The following NIPAL2 variants were observed in gnomAD, a reference collection of about 807,000 sequenced individuals.
NIPAL2 encodes NIPA-like protein 2.
NIPAL2 carries 43 observed loss-of-function variants against 48.9 expected under a neutral mutation model. That is an observed-to-expected ratio of 0.88 (90% CI 0.69 to 1.13). NIPAL2 has a LOEUF of 1.13. Ranked by LOEUF, NIPAL2 falls within the 50% of genes most tolerant of loss-of-function variation. The pLI is 0.00. For synonymous variants in NIPAL2, 167 were observed against 174.6 expected, an observed-to-expected ratio of 0.96 and a Z score of 0.34; for missense variants, 446 against 461.4, an observed-to-expected ratio of 0.97 and a Z score of 0.31.
At chr8:98,279,212 A>G (rs1441829047) in intron 1 of NIPAL2, among the ~76,000 whole-genome samples, 1 of 152,174 alleles carries the variant, frequency 6.6e-6, no homozygotes, top group Non-Finnish European at 1.5e-5. Flanking sequence ...CAAATTTGCA[A>G]TGCTTTTAAA....
At chr8:98,213,868 T>C (rs1811442828) in intron 5 of NIPAL2, among the ~76,000 whole-genome samples, 1 of 152,204 alleles carries the variant, frequency 6.6e-6, no homozygotes, top group African/African-American at 2.4e-5. Flanking sequence ...TTCTTGTTCA[T>C]ATGTTTATGT....
chr8:98,224,968 G>A (rs1424169003), intron 4 of NIPAL2, among the ~76,000 whole-genome samples: 1 of 151,886 alleles, frequency 6.6e-6, no homozygotes, highest in Non-Finnish European at 1.5e-5. Context: ...TGGTGGCCAG[G>A]GTGGTCTCGA....
chr8:98,242,052 A>T (rs1375639235), intron 3 of NIPAL2, among the ~76,000 whole-genome samples: 1 of 152,266 alleles, frequency 6.6e-6, no homozygotes, highest in African/African-American at 2.4e-5. Flanking sequence ...AAGGTAATGT[A>T]CCATTGATAA....
Position 98,273,744 on chromosome 8 carries a change from G to A in NIPAL2, c.136-19657C>T, listed in dbSNP as rs80035880. 4.9e-3 allele frequency among the ~76,000 whole-genome samples: 746 copies of A among 151,536 alleles called. 4 individuals carry two copies. Among genetic ancestry groups the A allele is most frequent in the African/African-American group, 0.012 (478 of 41,344 alleles). On this transcript the variant is annotated intron_variant, in intron 1 of 10. Transcript: ENST00000430223. ...TTTATTTTGTTAACTCAATTTTTCC[G>A]TTTTCATCTTGTTCATTTGGACTCT...
At chr8:98,285,542 C>A (rs558591190) in intron 1 of NIPAL2, among the ~76,000 whole-genome samples, 20 of 152,232 alleles carry the variant, frequency 1.3e-4, no homozygotes, top group African/African-American at 4.3e-4. Flanking sequence ...GGCGAGCCTG[C>A]TAAAAGTGGA....
At chr8:98,262,655 C>G (rs1586432996) in intron 1 of NIPAL2, among the ~76,000 whole-genome samples, 1 of 150,810 alleles carries the variant, frequency 6.6e-6, no homozygotes. Flanking sequence ...TACAAAGAGA[C>G]TTAGACTCCC....
In NIPAL2 at chr8:98,202,591, G is replaced by T. The variant is rs187757446; in HGVS notation, c.880+517C>A. Reference sequence around the variant, plus strand: ...CTCGCCCCATCTCTTGCTATGTGACGTGTCTGTTCTCCCTTTGCCTTCTAC... The same window carrying T: ...CTCGCCCCATCTCTTGCTATGTGACTTGTCTGTTCTCCCTTTGCCTTCTAC... On this transcript the variant is annotated intron_variant, in intron 8 of 10. Coordinates refer to ENST00000430223, the MANE Select transcript of NIPAL2 (RefSeq NM_001321635.2). Among the ~76,000 whole-genome samples the T allele has an allele frequency of 4.8e-3, 738 of 152,254 alleles. 13 individuals are homozygous for T. Among genetic ancestry groups the T allele is most frequent in the African/African-American group, 0.017 (696 of 41,538 alleles).
rs1810347505 is a variant in NIPAL2, at chr8:98,192,549, A to G, written c.*429T>C. The G allele has an allele frequency of 6.4e-6, 1 of 156,454 alleles. No homozygotes were observed. The highest frequency in any genetic ancestry group is 1.4e-5 in the Non-Finnish European group (1 of 71,100). The allele number at this position is 156,454 out of a possible 1,614,324, so 9.7% of individuals were successfully genotyped here. On this transcript the variant is annotated 3_prime_UTR_variant, in exon 11 of 11. Transcript: ENST00000430223. The stretch of plus-strand genomic sequence containing the variant: ...GCTTATAAAAGGTGTCTTAGAAAAA[A>G]AATGAGCGCTCTCAAACCTTTCTTT...
intron 3 of NIPAL2, chr8:98,251,897 T>C (rs1813607252): frequency 6.6e-6 from 1 of 152,254 alleles, no homozygotes; most frequent in South Asian, 2.1e-4. Context: ...TTTTTAGCAA[T>C]GATTTTTGCT....
At chr8:98,254,957 C>T (rs1351594722) in intron 1 of NIPAL2, among the ~76,000 whole-genome samples, 1 of 152,228 alleles carries the variant, frequency 6.6e-6, no homozygotes, top group Non-Finnish European at 1.5e-5. Flanking sequence ...CCTTGACTTT[C>T]TCAGATTCTA....
intron 5 of NIPAL2, among the ~76,000 whole-genome samples, chr8:98,218,202 G>A (rs193298371): frequency 5.3e-5 from 8 of 152,124 alleles, no homozygotes; most frequent in Non-Finnish European, 1.2e-4. Context: ...CTCGTTTCAG[G>A]CTATGTGACC....
At chr8:98,288,685 C>T (rs1816330049) in intron 1 of NIPAL2, among the ~76,000 whole-genome samples, 2 of 151,848 alleles carry the variant, frequency 1.3e-5, no homozygotes, top group Admixed American at 1.3e-4. Flanking sequence ...TATTTCTCCA[C>T]ATCCTCTCCA....
At position 98,242,491 on chromosome 8, in the gene NIPAL2, T is replaced by TTTTGTTTTTTTTG. The variant is rs1037567916; in HGVS notation, c.377-6278_377-6277insCAAAAAAAACAAA. On this transcript the variant is annotated intron_variant, in intron 3 of 10. Transcript: ENST00000430223. ...CAAAAGCCACTGCACCTGACAGATTTTTTTTTTTTTTTTTTTAACTGAGCC... is the reference window on the plus strand; with the variant it reads ...CAAAAGCCACTGCACCTGACAGATTTTTTGTTTTTTTTGTTTTTTTTTTTTTTTTAACTGAGCC... Among the ~76,000 whole-genome samples the TTTTGTTTTTTTTG allele has an allele frequency of 1.6e-4, 22 of 141,270 alleles. 2 individuals carry two copies. Among genetic ancestry groups the TTTTGTTTTTTTTG allele is most frequent in the African/African-American group, 5.1e-4 (19 of 37,428 alleles). The allele number at this position is 141,270 out of a possible 152,430, so 92.7% of individuals were successfully genotyped here.
Sources: allele counts gnomAD v4.1 joint callset (sites outside exome capture counted in the v4.1 genomes callset), GRCh38; gene constraint gnomAD v4.1.1; transcripts MANE v1.5; gene names NCBI Gene and HGNC (gene_info 2026-07-23, HGNC 2026-07-21).